The following CTNNAL1 variants were observed in gnomAD, a reference collection of about 807,000 sequenced individuals.
CTNNAL1 encodes alpha-catulin.
A neutral mutation model predicts 93.6 loss-of-function variants in CTNNAL1; 69 were observed. The observed-to-expected ratio is 0.74, with a 90% confidence interval of 0.61 to 0.90. The LOEUF is 0.90. Among genes scored for constraint, CTNNAL1 ranks in the 40% least tolerant of loss-of-function variants. The probability of loss-of-function intolerance (pLI) is 0.00; values close to 1 mark genes in which losing one functional copy is unlikely to be tolerated. For missense variants in CTNNAL1, 836 were observed against 862.0 expected (o/e 0.97, Z 0.38); for synonymous variants, 286 against 305.4 (o/e 0.94, Z 0.66).
chr9:108,994,494 G>A (rs1396477822), intron 2 of CTNNAL1, among the ~76,000 whole-genome samples: 3 of 152,182 alleles, frequency 2.0e-5, no homozygotes, highest in Admixed American at 6.5e-5. Flanking sequence ...AAATCGAAGG[G>A]CATTGGAAGA....
chr9:108,972,868 G>GGGGCCCCCCCCCGGGT, intron 8 of CTNNAL1, 35 bp from the exon 9 acceptor site: 2 of 1,092,786 alleles, frequency 1.8e-6, no homozygotes, highest in Non-Finnish European at 2.5e-6. Context: ...GGGTGGGAGG[G>GGGGCCCCCCCCCGGGT]TGGAGAAGGA....
intron 1 of CTNNAL1, among the ~76,000 whole-genome samples, chr9:109,002,428 C>T (rs1013902998): frequency 2.0e-5 from 3 of 152,080 alleles, no homozygotes; most frequent in Non-Finnish European, 4.4e-5. Context: ...CGGGTAAAAG[C>T]TTAAGGAAAA....
At chr9:108,964,135 T>C (rs530549063) in intron 11 of CTNNAL1, among the ~76,000 whole-genome samples, 4 of 152,330 alleles carry the variant, frequency 2.6e-5, no homozygotes, top group African/African-American at 7.2e-5. Flanking sequence ...TGAAAATCTA[T>C]GTAACTATAA....
chr9:108,998,953 G>A, intron 2 of CTNNAL1, 114 bp downstream of exon 2: 1 of 1,238,738 alleles, frequency 8.1e-7, no homozygotes, highest in Non-Finnish European at 1.1e-6. Context: ...TAATGTCTGA[G>A]GCAGACATAA....
intron 4 of CTNNAL1, among the ~76,000 whole-genome samples, chr9:108,984,998 G>C (rs569881053): frequency 6.6e-6 from 1 of 152,280 alleles, no homozygotes; most frequent in African/African-American, 2.4e-5. Context: ...TCCCCAACAA[G>C]ATTGAAAAGG....
At chr9:108,984,177 G>A (rs1831528332) in intron 5 of CTNNAL1, among the ~76,000 whole-genome samples, 170 bp downstream of exon 5, 1 of 152,172 alleles carries the variant, frequency 6.6e-6, no homozygotes, top group African/African-American at 2.4e-5. Flanking sequence ...TTTGGAGTTG[G>A]GGAAGAAAGT....
rs140614398 is a variant in CTNNAL1, at chr9:108,952,321, G to A, written c.1723C>T (p.Leu575Phe). ...ATTTCGCAGTCAGCGTCAGAGGTGA[G>A]CAAACCCAGCTTAAGTCCAAGCTTT... Reference protein sequence around the residue: ...IAKLGLKLGLLTSDADCEIEK... With the variant: ...IAKLGLKLGLFTSDADCEIEK... Residue 575 changes from leucine to phenylalanine, a missense_variant, in exon 14 of 19, where the codon CTC becomes TTC. Coordinates refer to ENST00000325551, the MANE Select transcript of CTNNAL1 (RefSeq NM_003798.4). 2,403 of 1,614,178 alleles carry A rather than the reference G, an allele frequency of 1.5e-3. 43 individuals are homozygous for A. The highest frequency in any genetic ancestry group is 1.6e-4 in the Non-Finnish European group (193 of 1,180,036).
intron 1 of CTNNAL1, among the ~76,000 whole-genome samples, chr9:109,008,226 C>T (rs926680899): frequency 3.5e-5 from 5 of 143,092 alleles, no homozygotes; most frequent in Non-Finnish European, 4.5e-5. Flanking sequence ...GGCACAATCT[C>T]GGCTCACTGC....
At chr9:108,998,449 A>C (rs566104550) in intron 2 of CTNNAL1, among the ~76,000 whole-genome samples, 8 of 150,844 alleles carry the variant, frequency 5.3e-5, no homozygotes, top group African/African-American at 1.9e-4. Flanking sequence ...TTCATTTATG[A>C]TCTGTCTCCC....
intron 2 of CTNNAL1, among the ~76,000 whole-genome samples, chr9:108,994,402 A>G (rs976751551): frequency 6.6e-6 from 1 of 152,210 alleles, no homozygotes; most frequent in African/African-American, 2.4e-5. Flanking sequence ...AGAAAACACA[A>G]AATTAGTACC....
chr9:108,976,911 AC>A lies in CTNNAL1; in HGVS notation c.1188+50del, dbSNP rs753316823. The A allele has an allele frequency of 4.1e-6, 3 of 737,504 alleles. No individual in the cohort carries two copies. In the South Asian group the frequency reaches 6.7e-5, roughly 16 times the overall value. The allele number at this position is 737,504 out of a possible 1,614,324, so 45.7% of individuals were successfully genotyped here. A position where few individuals can be genotyped will look rare whatever the true frequency, so the allele number is the denominator to read the frequency against. On this transcript the variant is annotated intron_variant, in intron 8 of 18. Coordinates refer to ENST00000325551, the MANE Select transcript of CTNNAL1 (RefSeq NM_003798.4). ...CTAATGTATTTCATACACCCATACA[AC>A]ATGAAAATCACAAAGAATTAGAAGA...
chr9:108,966,273 C>A (rs772217559), intron 10 of CTNNAL1, among the ~76,000 whole-genome samples: 6 of 152,178 alleles, frequency 3.9e-5, no homozygotes, highest in Non-Finnish European at 8.8e-5. Context: ...GGTACTTTTA[C>A]GTACCACCAC....
chr9:108,944,058 C>G (rs969409783), intron 15 of CTNNAL1, 40 bp from the exon 16 acceptor site: 1 of 1,528,876 alleles, frequency 6.5e-7, no homozygotes, highest in South Asian at 1.2e-5. Context: ...AGACTGATGT[C>G]TATGGATAGT....
chr9:108,970,089 A>G (rs1831066731), intron 10 of CTNNAL1, among the ~76,000 whole-genome samples: 1 of 152,256 alleles, frequency 6.6e-6, no homozygotes. Context: ...ATTACATAAC[A>G]TATGGCTTCT....
rs74381429 is a variant in CTNNAL1 at position 109,011,409 on chromosome 9, T to C, written c.141+1893A>G. 8.0e-3 allele frequency among the ~76,000 whole-genome samples: 1,224 copies of C among 152,228 alleles called. 26 individuals are homozygous for C. Among genetic ancestry groups the C allele is most frequent in the African/African-American group, 0.028 (1,165 of 41,542 alleles). Reference sequence around the variant, plus strand: ...AGGCAGGCATTCTTCCCCTTTGGCATTGACCTCTAACTCTCAGCAGTGATT... The same window carrying C: ...AGGCAGGCATTCTTCCCCTTTGGCACTGACCTCTAACTCTCAGCAGTGATT... On this transcript the variant is annotated intron_variant, in intron 1 of 18. Coordinates refer to ENST00000325551, the MANE Select transcript of CTNNAL1 (RefSeq NM_003798.4).
At chr9:108,947,538 G>A (rs1284866173) in intron 15 of CTNNAL1, among the ~76,000 whole-genome samples, 1 of 152,214 alleles carries the variant, frequency 6.6e-6, no homozygotes, top group African/African-American at 2.4e-5. Context: ...GAGGCAAACA[G>A]GCTAACATGG....
chr9:109,010,254 C>G (rs1268506872), intron 1 of CTNNAL1, among the ~76,000 whole-genome samples: 2 of 152,192 alleles, frequency 1.3e-5, no homozygotes, highest in African/African-American at 4.8e-5. Flanking sequence ...GTATCCTACA[C>G]TCAGTGAACT....
At chr9:108,996,667 T>C (rs1832032115) in intron 2 of CTNNAL1, among the ~76,000 whole-genome samples, 1 of 152,202 alleles carries the variant, frequency 6.6e-6, no homozygotes, top group African/African-American at 2.4e-5. Context: ...TTAAAAATAC[T>C]GTACTCCTGC....
intron 5 of CTNNAL1, among the ~76,000 whole-genome samples, 177 bp from the exon 6 acceptor site, chr9:108,983,492 A>G (rs1831502367): frequency 6.6e-6 from 1 of 152,238 alleles, no homozygotes; most frequent in Admixed American, 6.5e-5. Context: ...AAAAAGCGAT[A>G]GCAAGGTTAA....
Sources: gnomAD v4.1 joint callset for allele counts (sites outside exome capture counted in the v4.1 genomes callset) on GRCh38, gnomAD v4.1.1 for gene constraint, MANE v1.5 for transcripts, NCBI Gene and HGNC (gene_info 2026-07-23, HGNC 2026-07-21) for gene names.